Variants in DUXB observed in about 807,000 individuals in gnomAD.
DUXB encodes double homeobox B, also known as double homeobox protein B.
A neutral mutation model predicts 8.9 loss-of-function variants in DUXB; 22 were observed. The ratio of observed to expected loss-of-function variants is 2.46; its 90% confidence interval spans 1.76 to 3.52. The LOEUF is 3.52. DUXB is among the 30% of genes most tolerant of loss of function. The probability of loss-of-function intolerance (pLI) is 0.00; values close to 1 mark genes in which losing one functional copy is unlikely to be tolerated. For missense variants in DUXB, 237 were observed against 108.7 expected (o/e 2.18, Z -5.25); for synonymous variants, 84 against 37.6 (o/e 2.23, Z -4.52).
intron 1 of DUXB, 166 bp from the exon 2 acceptor site, chr16:75,700,335 G>A (rs1048578810): frequency 6.0e-5 from 30 of 503,604 alleles, no homozygotes; most frequent in African/African-American, 4.2e-4. Flanking sequence ...CTGGGTTCAA[G>A]CGATTCTTAA....
chr16:75,700,170 C>G lies in DUXB; in HGVS notation c.26-1G>C, dbSNP rs1959202375. On this transcript the variant is annotated splice_acceptor_variant, in intron 1 of 4. Coordinates refer to ENST00000633875, the MANE Select transcript of DUXB (RefSeq NM_001351307.2). LOFTEE classifies it high-confidence loss of function. ...CTCCAGAATTCTTTTTGAAGTATGC[C>G]TGATGAACAGAAAAGGGGGAGAATA... 2 of 699,714 alleles carry G rather than the reference C, an allele frequency of 2.9e-6. No individual in the cohort carries two copies. Among genetic ancestry groups the G allele is most frequent in the African/African-American group, 1.7e-5 (1 of 57,172 alleles). The allele number at this position is 699,714 out of a possible 1,614,324, so 43.3% of individuals were successfully genotyped here.
At chr16:75,698,088 T>C (rs1959194474) in intron 2 of DUXB, among the ~76,000 whole-genome samples, 1 of 152,174 alleles carries the variant, frequency 6.6e-6, no homozygotes, top group South Asian at 2.1e-4. Context: ...ATCAGAATAG[T>C]TTTAGTTAAG....
chr16:75,698,727 A>G (rs1390559377), intron 2 of DUXB: 5 of 152,258 alleles, frequency 3.3e-5, no homozygotes, highest in Admixed American at 2.0e-4. Flanking sequence ...CAGGCACTCA[A>G]TCCACACAAC....
intron 3 of DUXB, 145 bp from the exon 4 acceptor site, chr16:75,696,260 C>T: frequency 3.3e-6 from 2 of 614,218 alleles, no homozygotes; most frequent in Non-Finnish European, 5.8e-6. Context: ...GACCAAAAAG[C>T]CCAGAGCTAG....
chr16:75,695,103 CATGTGTGTATAT>C (rs1277145714), intron 4 of DUXB, among the ~76,000 whole-genome samples: 2 of 151,978 alleles, frequency 1.3e-5, no homozygotes, highest in African/African-American at 4.8e-5. Context: ...TCCATGTGTT[CATGTGTGTATAT>C]ATGTGTGTGT....
intron 4 of DUXB, 61 bp from the exon 5 acceptor site, chr16:75,694,586 G>T (rs2082590608): frequency 1.4e-6 from 1 of 699,718 alleles, no homozygotes; most frequent in Middle Eastern, 2.3e-4. Context: ...CTCTGCATCA[G>T]ATACTCTATA....
At chr16:75,699,905 A>C in intron 2 of DUXB, 110 bp downstream of exon 2, 1 of 514,150 alleles carries the variant, frequency 1.9e-6, no homozygotes. Flanking sequence ...AACGTTTCTT[A>C]GCAAAATACC....
At chr16:75,696,333 C>T (rs1030151653) in intron 3 of DUXB, among the ~76,000 whole-genome samples, 1 of 152,198 alleles carries the variant, frequency 6.6e-6, no homozygotes, top group African/African-American at 2.4e-5. Flanking sequence ...AAGTGGATCA[C>T]TTGAGGTTGG....
At chr16:75,698,351 A>G (rs1269963416) in intron 2 of DUXB, among the ~76,000 whole-genome samples, 1 of 152,190 alleles carries the variant, frequency 6.6e-6, no homozygotes, top group Non-Finnish European at 1.5e-5. Context: ...TCTCTCCTAT[A>G]TCCTCTCAGA....
intron 4 of DUXB, 35 bp downstream of exon 4, chr16:75,695,926 C>A: frequency 1.4e-6 from 1 of 701,996 alleles, no homozygotes; most frequent in Non-Finnish European, 2.6e-6. Context: ...GTATCACAGG[C>A]AGGACATAGT....
Position 75,701,397 on chromosome 16 carries a change from C to T in DUXB, c.22G>A (p.Gly8Ser), listed in dbSNP as rs1028680234. The T allele has an allele frequency of 1.3e-5, 5 of 398,524 alleles. No individual in the cohort carries two copies. Among genetic ancestry groups the T allele is most frequent in the African/African-American group, 1.0e-4 (5 of 48,626 alleles). The allele number at this position is 398,524 out of a possible 1,614,324, so 24.7% of individuals were successfully genotyped here. MNLEGTS[G>S]GILQKEFWRN... ...GAAAAGGCTGATGGGAACTTACCAC[C>T]TGAAGTGCCCTCCAAATTCATCTTG... is the stretch of plus-strand genomic sequence containing the variant. The change falls in exon 1 of 5, where the codon GGT (glycine) becomes AGT (serine). Residue 8 changes from glycine (G) to serine (S), a missense_variant. Transcript: ENST00000633875.
intron 1 of DUXB, among the ~76,000 whole-genome samples, chr16:75,700,520 A>G (rs4888448): frequency 0.11 from 16,506 of 151,222 alleles, 2,303 homozygotes; most frequent in East Asian, 0.65. Flanking sequence ...TATTATTATT[A>G]TTGTTACTAT....
intron 1 of DUXB, 57 bp from the exon 2 acceptor site, chr16:75,700,226 T>C (rs773006004): frequency 2.6e-5 from 16 of 622,544 alleles, no homozygotes; most frequent in Admixed American, 5.3e-5. Context: ...GGTTTAAATC[T>C]GTACTTTGAT....
Position 75,694,433 on chromosome 16 carries a change from A to T in DUXB, c.534T>A (p.Asp178Glu). ...LLVDDPNERP[D>E]ATVGWHPINL... ...TGATTGGATGCCACCCAACAGTTGC[A>T]TCTGGTCTCTCATTTGGGTCGTCTA... is the stretch of plus-strand genomic sequence containing the variant. Residue 178 changes from aspartate to glutamate, a missense_variant, in exon 5 of 5, where the codon GAT (aspartate) becomes GAA (glutamate). Coordinates refer to ENST00000633875, the MANE Select transcript of DUXB (RefSeq NM_001351307.2). 1 of 702,514 alleles carries T rather than the reference A, an allele frequency of 1.4e-6. No homozygotes were observed. The highest frequency in any genetic ancestry group is 2.6e-6 in the Non-Finnish European group (1 of 384,848). 43.5% of individuals were successfully genotyped at this position (702,514 alleles called of 1,614,324 possible).
chr16:75,697,031 G>C, intron 2 of DUXB, 88 bp from the exon 3 acceptor site: 1 of 645,138 alleles, frequency 1.6e-6, no homozygotes, highest in Non-Finnish European at 2.8e-6. Context: ...AAACTGATTT[G>C]ACTGCCTGTG....
chr16:75,697,201 A>G (rs1218329803), intron 2 of DUXB, among the ~76,000 whole-genome samples: 2 of 152,172 alleles, frequency 1.3e-5, no homozygotes, highest in African/African-American at 2.4e-5. Flanking sequence ...TGTTTGATTT[A>G]GGAGACCCTA....
In DUXB at chr16:75,694,336, G is replaced by C; in HGVS notation, c.631C>G (p.Pro211Ala). The C allele has an allele frequency of 1.6e-6, 1 of 636,998 alleles. No individual in the cohort carries two copies. Among genetic ancestry groups the C allele is most frequent in the Non-Finnish European group, 2.8e-6 (1 of 358,064 alleles). The allele number at this position is 636,998 out of a possible 1,614,324, so 39.5% of individuals were successfully genotyped here. Residue 211 changes from proline to alanine, a missense_variant, in exon 5 of 5, where the codon CCA becomes GCA. Pro to Ala is a conservative substitution (Grantham distance 27, BLOSUM62 -1). Transcript: ENST00000633875. The part of the protein sequence containing the change: ...SHSSSGHETL[P>A]PVLPSTQAPW... Reference sequence around the variant, plus strand: ...GCCTGGGTTGAAGGAAGAACAGGTGGAAGAGTTTCATGCCCGCTGGAAGAA... The same window carrying C: ...GCCTGGGTTGAAGGAAGAACAGGTGCAAGAGTTTCATGCCCGCTGGAAGAA...
intron 2 of DUXB, among the ~76,000 whole-genome samples, chr16:75,697,508 G>A (rs72789457): frequency 3.3e-5 from 5 of 152,090 alleles, no homozygotes; most frequent in South Asian, 2.1e-4. Context: ...TTTTGTCACC[G>A]TTGTCCCTAA....
At position 75,700,039 on chromosome 16, in the gene DUXB, A is replaced by G; in HGVS notation, c.156T>C (p.Ile52=). ...CCTGAATATTAGATTCTGGAACCCCAATTTCTTTGGCCAGTTGTTCTCTGG... is the reference window on the plus strand; with the variant it reads ...CCTGAATATTAGATTCTGGAACCCCGATTTCTTTGGCCAGTTGTTCTCTGG... ...KAAREQLAKE[I]GVPESNIQVW... Residue 52 remains isoleucine (I), a synonymous_variant, in exon 2 of 5, where the codon ATT becomes ATC. Transcript: ENST00000633875. 4.3e-6 allele frequency: 3 copies of G among 700,472 alleles called. No homozygotes were observed. The highest frequency in any genetic ancestry group is 7.8e-6 in the Non-Finnish European group (3 of 384,372). 43.4% of individuals were successfully genotyped at this position (700,472 alleles called of 1,614,324 possible).
Sources: gnomAD v4.1 joint callset for allele counts (sites outside exome capture counted in the v4.1 genomes callset) on GRCh38, gnomAD v4.1.1 for gene constraint, MANE v1.5 for transcripts, NCBI Gene and HGNC (gene_info 2026-07-23, HGNC 2026-07-21) for gene names.